Variants in GRHL2 observed in about 807,000 individuals in gnomAD.
The protein encoded by GRHL2 is grainyhead like transcription factor 2.
In GRHL2, 21 loss-of-function variants were observed where a neutral mutation model predicts 83.8. The observed-to-expected ratio is 0.25, with a 90% CI of 0.18 to 0.36. The LOEUF (loss-of-function observed/expected upper bound fraction) is 0.36. GRHL2 is among the 10% of genes least tolerant of loss of function. The probability of loss-of-function intolerance (pLI) is 1.00; values close to 1 mark genes in which losing one functional copy is unlikely to be tolerated. For missense variants in GRHL2, 623 were observed against 781.8 expected, an observed-to-expected ratio of 0.80 and a Z score of 2.42; for synonymous variants, 280 against 278.9, an observed-to-expected ratio of 1.00 and a Z score of -0.04.
intron 7 of GRHL2, among the ~76,000 whole-genome samples, chr8:101,589,342 G>C (rs2130282275): frequency 6.6e-6 from 1 of 152,282 alleles, no homozygotes; most frequent in South Asian, 2.1e-4. Context: ...TGAATGTTAA[G>C]CCTGTCTGAG....
chr8:101,638,098 G>C (rs187134115), intron 12 of GRHL2, among the ~76,000 whole-genome samples: 13 of 152,282 alleles, frequency 8.5e-5, no homozygotes, highest in Admixed American at 2.0e-4. Flanking sequence ...ATTTTCAATA[G>C]CTACTTTATG....
chr8:101,561,970 G>A, intron 4 of GRHL2: 1 of 674,590 alleles, frequency 1.5e-6, no homozygotes, highest in Non-Finnish European at 2.7e-6. Flanking sequence ...ATTTTCAAAT[G>A]TACATAAAAG....
At chr8:101,585,579 T>C (rs1812146678) in intron 7 of GRHL2, among the ~76,000 whole-genome samples, 1 of 152,168 alleles carries the variant, frequency 6.6e-6, no homozygotes, top group Admixed American at 6.5e-5. Flanking sequence ...ATCCTTCCTC[T>C]GTTGCATCCG....
intron 3 of GRHL2, among the ~76,000 whole-genome samples, chr8:101,554,728 CATG>C (rs1811456947): frequency 6.6e-6 from 1 of 152,196 alleles, no homozygotes; most frequent in Admixed American, 6.5e-5. Flanking sequence ...ATCTCAATGA[CATG>C]ATCCGAATTT....
At chr8:101,494,832 GTGATAAGTATCTGGGATTACATATGCT>G (rs1810062154) in intron 1 of GRHL2, among the ~76,000 whole-genome samples, 1 of 152,196 alleles carries the variant, frequency 6.6e-6, no homozygotes, top group African/African-American at 2.4e-5. Flanking sequence ...GTTTTTACAG[GTGATAAGTATCTGGGATTACATATGCT>G]TGCATTTAAT....
chr8:101,616,974 G>A (rs1259615753), intron 8 of GRHL2, among the ~76,000 whole-genome samples: 1 of 152,066 alleles, frequency 6.6e-6, no homozygotes, highest in Middle Eastern at 3.2e-3. Context: ...ATGATGTTAT[G>A]GAATACATGT....
In GRHL2 at chr8:101,599,116, G is replaced by C. The variant is rs1398906044; in HGVS notation, c.1063G>C (p.Val355Leu). The C allele has an allele frequency of 6.2e-7, 1 of 1,613,168 alleles. No individual in the cohort carries two copies. Among genetic ancestry groups the C allele is most frequent in the African/African-American group, 1.3e-5 (1 of 74,896 alleles). The change falls in exon 8 of 16, where the codon GTT becomes CTT. Residue 355 changes from valine to leucine, a missense_variant. Val to Leu is a conservative substitution (Grantham distance 32). This residue lies in a region of GRHL2 where 96 missense variants were observed against 144.8 expected (regional missense o/e 0.66). Coordinates refer to ENST00000646743, the MANE Select transcript of GRHL2 (RefSeq NM_024915.4). ...CATTGAAGAGATTGCATATAATGCT[G>C]TTTCCTTTACCTGGGACGTGAATGA... ...GNIEEIAYNA[V>L]SFTWDVNEEA...
At chr8:101,518,103 C>A (rs745629962) in intron 1 of GRHL2, among the ~76,000 whole-genome samples, 1 of 152,208 alleles carries the variant, frequency 6.6e-6, no homozygotes, top group African/African-American at 2.4e-5. Flanking sequence ...GTATAGCAGC[C>A]TTTTCCTAAA....
chr8:101,659,208 G>T (rs952423524), intron 14 of GRHL2, among the ~76,000 whole-genome samples: 1 of 152,148 alleles, frequency 6.6e-6, no homozygotes, highest in African/African-American at 2.4e-5. Context: ...CAGCATTTTG[G>T]AACATCTGCA....
chr8:101,657,907 C>T (rs1056107652), intron 14 of GRHL2, among the ~76,000 whole-genome samples: 1 of 152,076 alleles, frequency 6.6e-6, no homozygotes, highest in Non-Finnish European at 1.5e-5. Context: ...TCACCCTGTT[C>T]CGACAGAACG....
rs1443881855 is a variant in GRHL2, at chr8:101,504,482, C to T, written c.20+11693C>T. On this transcript the variant is annotated intron_variant, in intron 1 of 15. Coordinates refer to ENST00000646743, the MANE Select transcript of GRHL2 (RefSeq NM_024915.4). Reference sequence around the variant, plus strand: ...GAGTTTCACTTGAAGCAAACTCTCTCGAGGCAAACCTGCTGGCCTCACCAC... The same window carrying T: ...GAGTTTCACTTGAAGCAAACTCTCTTGAGGCAAACCTGCTGGCCTCACCAC... Among the ~76,000 whole-genome samples the T allele has an allele frequency of 6.6e-5, 10 of 152,100 alleles. No individual in the cohort carries two copies. In the East Asian group the frequency reaches 1.9e-3, roughly 29 times the overall value.
At chr8:101,506,706 T>G (rs1256174219) in intron 1 of GRHL2, among the ~76,000 whole-genome samples, 4 of 152,226 alleles carry the variant, frequency 2.6e-5, no homozygotes, top group African/African-American at 9.6e-5. Flanking sequence ...TTTTAGGTCA[T>G]TGATACATAA....
rs11373924 is a variant in GRHL2, at chr8:101,619,883, AT to A, written c.1257+204del. Reference sequence around the variant, plus strand: ...ATATCTAGGAAGTCTTCAGTCAACTATTTTTTTTTTTTTTTTTTAGTTTATC... The same window carrying A: ...ATATCTAGGAAGTCTTCAGTCAACTATTTTTTTTTTTTTTTTTAGTTTATC... On this transcript the variant is annotated intron_variant, in intron 9 of 15. Coordinates refer to ENST00000646743, the MANE Select transcript of GRHL2 (RefSeq NM_024915.4). 0.026 allele frequency among the ~76,000 whole-genome samples: 3,401 copies of A among 129,292 alleles called. 54 individuals carry two copies. Among genetic ancestry groups the A allele is most frequent in the African/African-American group, 0.064 (2,275 of 35,278 alleles). 84.8% of individuals were successfully genotyped at this position (129,292 alleles called of 152,430 possible). A position where few individuals can be genotyped will look rare whatever the true frequency, so the allele number is the denominator to read the frequency against.
intron 7 of GRHL2, among the ~76,000 whole-genome samples, chr8:101,589,515 C>T (rs529767026): frequency 6.6e-6 from 1 of 152,276 alleles, no homozygotes; most frequent in African/African-American, 2.4e-5. Flanking sequence ...ATAAAAAATA[C>T]TAGCATACAC....
chr8:101,566,318 T>C (rs1335495370), intron 4 of GRHL2, among the ~76,000 whole-genome samples: 3 of 152,050 alleles, frequency 2.0e-5, no homozygotes, highest in Admixed American at 6.6e-5. Flanking sequence ...ATTATTTATA[T>C]TAACATGGCA....
In GRHL2 at chr8:101,586,723, A is replaced by G. The variant is rs191796100; in HGVS notation, c.1003+9204A>G. 1.7e-4 allele frequency among the ~76,000 whole-genome samples: 26 copies of G among 152,328 alleles called. No individual in the cohort carries two copies. In the East Asian group the frequency reaches 4.8e-3, roughly 28 times the overall value. ...AGAACAGATGCTCAACCGATGTTGC[A>G]TAATCGATGAGCACACTGCCATGTG... On this transcript the variant is annotated intron_variant, in intron 7 of 15. Coordinates refer to ENST00000646743, the MANE Select transcript of GRHL2 (RefSeq NM_024915.4).
At chr8:101,493,108 A>C (rs1347465567) in intron 1 of GRHL2, among the ~76,000 whole-genome samples, 1 of 152,130 alleles carries the variant, frequency 6.6e-6, no homozygotes, top group East Asian at 1.9e-4. Context: ...GTTTTGGTAG[A>C]TGGGCGCGGG....
At position 101,604,163 on chromosome 8, in the gene GRHL2, C is replaced by T. The variant is rs553592343; in HGVS notation, c.1098+5012C>T. ...CTGTGTCATATTCTTTCACATGACT[C>T]CCATTTACAAGAATTTTTTAATTTT... On this transcript the variant is annotated intron_variant, in intron 8 of 15. Coordinates refer to ENST00000646743, the MANE Select transcript of GRHL2 (RefSeq NM_024915.4). Among the ~76,000 whole-genome samples, 3 of 152,104 alleles carry T rather than the reference C, an allele frequency of 2.0e-5. No homozygotes were observed. In the South Asian group the frequency reaches 6.2e-4, roughly 32 times the overall value.
intron 14 of GRHL2, among the ~76,000 whole-genome samples, chr8:101,658,743 T>C (rs2129744072): frequency 6.6e-6 from 1 of 152,318 alleles, no homozygotes; most frequent in East Asian, 1.9e-4. Context: ...TGCTTGATGT[T>C]GAGTGGAAAA....
Sources: allele counts gnomAD v4.1 joint callset (sites outside exome capture counted in the v4.1 genomes callset), GRCh38; gene constraint gnomAD v4.1.1; regional missense constraint gnomAD v4.1.1; transcripts MANE v1.5; gene names NCBI Gene and HGNC (gene_info 2026-07-23, HGNC 2026-07-21).